The following BAIAP2 variants were observed in gnomAD, a reference collection of about 807,000 sequenced individuals.
BAIAP2 encodes the protein BAR/IMD domain-containing adapter protein 2.
In BAIAP2, 18 loss-of-function variants were observed where a neutral mutation model predicts 63.0. The observed-to-expected ratio is 0.29, with a 90% CI of 0.20 to 0.42. BAIAP2 has a LOEUF of 0.42. BAIAP2 is among the 10% of genes least tolerant of loss of function. BAIAP2 has a pLI of 1.00. For missense variants in BAIAP2, 610 were observed against 734.3 expected, an observed-to-expected ratio of 0.83 and a Z score of 1.96; for synonymous variants, 386 against 307.6, an observed-to-expected ratio of 1.25 and a Z score of -2.67.
At chr17:81,088,178 G>A (rs1166271434) in intron 6 of BAIAP2, among the ~76,000 whole-genome samples, 1 of 152,142 alleles carries the variant, frequency 6.6e-6, no homozygotes, top group African/African-American at 2.4e-5. Flanking sequence ...AGCAGGTCAG[G>A]ACAGTGCAGG....
chr17:81,098,377 TAC>T (rs2057997361), intron 6 of BAIAP2, among the ~76,000 whole-genome samples: 1 of 152,054 alleles, frequency 6.6e-6, no homozygotes, highest in Admixed American at 6.5e-5. Context: ...TGGGCTCAGC[TAC>T]AGTTTCTTGG....
rs1389008253 is a variant in BAIAP2 at position 81,057,731 on chromosome 17, C to T, written c.131-150C>T. On this transcript the variant is annotated intron_variant, in intron 2 of 13. Coordinates refer to ENST00000428708, the MANE Select transcript of BAIAP2 (RefSeq NM_001144888.2). ...TCAACAAGAGATGGGTTCTGTCCAA[C>T]CCAGAAATCACAGCGAGTCGAGTAT... 4 of 1,411,332 alleles carry T rather than the reference C, an allele frequency of 2.8e-6. No homozygotes were observed. In the African/African-American group the frequency reaches 5.8e-5, roughly 20 times the overall value. The allele number at this position is 1,411,332 out of a possible 1,614,324, so 87.4% of individuals were successfully genotyped here.
intron 13 of BAIAP2, among the ~76,000 whole-genome samples, chr17:81,115,206 C>G (rs1278674973): frequency 6.6e-6 from 1 of 152,258 alleles, no homozygotes; most frequent in Non-Finnish European, 1.5e-5. Context: ...AGGTGAACCA[C>G]TGTCTGGCCC....
At chr17:81,072,465 C>T (rs575811580) in intron 3 of BAIAP2, among the ~76,000 whole-genome samples, 3 of 152,328 alleles carry the variant, frequency 2.0e-5, no homozygotes, top group Non-Finnish European at 4.4e-5. Flanking sequence ...TCGTCAGTTT[C>T]ACCTTGGTGC....
At chr17:81,080,564 A>G (rs985885535) in intron 3 of BAIAP2, among the ~76,000 whole-genome samples, 2 of 151,002 alleles carry the variant, frequency 1.3e-5, no homozygotes, top group Non-Finnish European at 2.9e-5. Flanking sequence ...GAAGCTCCAC[A>G]TACTCTTTTT....
chr17:81,106,975 C>A, intron 12 of BAIAP2, 68 bp downstream of exon 12: 1 of 1,445,120 alleles, frequency 6.9e-7, no homozygotes, highest in Admixed American at 2.8e-5. Context: ...TGCAGTCCCC[C>A]GTTGGAGCCT....
intron 1 of BAIAP2, among the ~76,000 whole-genome samples, chr17:81,039,134 G>A (rs2046735118): frequency 6.6e-6 from 1 of 152,264 alleles, no homozygotes; most frequent in Non-Finnish European, 1.5e-5. Context: ...GCATGTCTGT[G>A]TTACCCGCCC....
intron 1 of BAIAP2, among the ~76,000 whole-genome samples, chr17:81,035,729 C>G (rs2046148509): frequency 6.7e-6 from 1 of 149,322 alleles, no homozygotes; most frequent in African/African-American, 2.6e-5. Flanking sequence ...GGCGGCGGGC[C>G]CAGGGGTTGC....
At chr17:81,092,486 C>G (rs914367550) in intron 6 of BAIAP2, among the ~76,000 whole-genome samples, 3 of 152,294 alleles carry the variant, frequency 2.0e-5, no homozygotes, top group East Asian at 3.9e-4. Flanking sequence ...GTGGATTTCT[C>G]TGTCTGCCTG....
Position 81,116,978 on chromosome 17 carries a change from G to T in BAIAP2, c.*1139G>T, listed in dbSNP as rs1365385113. 6.6e-6 allele frequency: 1 copy of T among 152,604 alleles called. No homozygotes were observed. Among genetic ancestry groups the T allele is most frequent in the Non-Finnish European group, 1.5e-5 (1 of 68,336 alleles). The allele number at this position is 152,604 out of a possible 1,614,324, so 9.5% of individuals were successfully genotyped here. A position where few individuals can be genotyped will look rare whatever the true frequency, so the allele number is the denominator to read the frequency against. On this transcript the variant is annotated 3_prime_UTR_variant, in exon 14 of 14. Transcript: ENST00000428708. ...GCCTCCGCCTTCCACCCTGGGCCCA[G>T]GGACAGACAGACATTGCCCTCAGAA...
In BAIAP2 at chr17:81,116,428, CA is replaced by C; in HGVS notation, c.*591del. The C allele has an allele frequency of 7.6e-7, 1 of 1,311,122 alleles. No homozygotes were observed. The highest frequency in any genetic ancestry group is 2.5e-5 in the East Asian group (1 of 39,586). 81.2% of individuals were successfully genotyped at this position (1,311,122 alleles called of 1,614,324 possible). A position where few individuals can be genotyped will look rare whatever the true frequency, so the allele number is the denominator to read the frequency against. ...CCCCTCACTCCCACTGGCAATGTCA[CA>C]AGGGCCTCCCCAGGCCCCTCCTGCC... On this transcript the variant is annotated 3_prime_UTR_variant, in exon 14 of 14. Transcript: ENST00000428708.
intron 3 of BAIAP2, among the ~76,000 whole-genome samples, chr17:81,067,757 G>A (rs1357159345): frequency 3.3e-5 from 5 of 152,230 alleles, no homozygotes; most frequent in Non-Finnish European, 7.3e-5. Flanking sequence ...CTCCCTGAGC[G>A]CTCACGCCAC....
At position 81,117,368 on chromosome 17, in the gene BAIAP2, AAAC is replaced by A. The variant is rs2060575940; in HGVS notation, c.*1532_*1534del. 6.6e-6 allele frequency: 1 copy of A among 152,320 alleles called. No individual in the cohort carries two copies. Among genetic ancestry groups the A allele is most frequent in the African/African-American group, 2.4e-5 (1 of 41,452 alleles). 9.4% of individuals were successfully genotyped at this position (152,320 alleles called of 1,614,324 possible). A position where few individuals can be genotyped will look rare whatever the true frequency, so the allele number is the denominator to read the frequency against. ...ACATTGCACCAGCGTTCTAAGCCTC[AAAC>A]AAAACACAAAACAAATCCCCCTGCG... On this transcript the variant is annotated 3_prime_UTR_variant, in exon 14 of 14. Coordinates refer to ENST00000428708, the MANE Select transcript of BAIAP2 (RefSeq NM_001144888.2).
chr17:81,101,364 G>T (rs1457648501), intron 7 of BAIAP2, among the ~76,000 whole-genome samples: 1 of 152,172 alleles, frequency 6.6e-6, no homozygotes, highest in Admixed American at 6.5e-5. Context: ...AGCAGGCAAG[G>T]CCCAGAGGCC....
chr17:81,106,889 C>G lies in BAIAP2; in HGVS notation c.1482C>G (p.Ala494=), dbSNP rs201581416. The G allele has an allele frequency of 6.4e-7, 1 of 1,570,438 alleles. No homozygotes were observed. The highest frequency in any genetic ancestry group is 8.6e-7 in the Non-Finnish European group (1 of 1,158,292). ...SGFKQRPYSV[A]VPAFSQGLDD... ...TCAAGCAGAGGCCCTACAGTGTGGC[C>G]GTGCCCGCCTTCTCCCAGGTCAGTG... The change falls in exon 12 of 14, where the codon GCC becomes GCG. Residue 494 remains alanine (A), a synonymous_variant. Coordinates refer to ENST00000428708, the MANE Select transcript of BAIAP2 (RefSeq NM_001144888.2).
rs1312656712 is a variant in BAIAP2, at chr17:81,057,918, G to A, written c.168G>A (p.Leu56=). 1.9e-6 allele frequency: 3 copies of A among 1,598,044 alleles called. No individual in the cohort carries two copies. Among genetic ancestry groups the A allele is most frequent in the Non-Finnish European group, 2.6e-6 (3 of 1,171,982 alleles). The change falls in exon 3 of 14, where the codon CTG becomes CTA. Residue 56 remains leucine, a synonymous_variant. Transcript: ENST00000428708. ...CAGCCAAAGGCTACTTTGACGCCCT[G>A]GTGAAGATGGGGGAGCTGGCCAGCG... ...TYAAKGYFDA[L]VKMGELASES... is the part of the protein sequence containing the mutation.
intron 1 of BAIAP2, among the ~76,000 whole-genome samples, chr17:81,039,302 C>T (rs1193297998): frequency 2.6e-5 from 4 of 152,204 alleles, no homozygotes; most frequent in Non-Finnish European, 4.4e-5. Flanking sequence ...CACTGTCCTG[C>T]CGGTTGTTGG....
chr17:81,109,917 A>C, intron 13 of BAIAP2: 1 of 985,204 alleles, frequency 1.0e-6, no homozygotes, highest in Non-Finnish European at 1.2e-6. Context: ...GGGGGAGGGC[A>C]GCTCTGGGCA....
intron 6 of BAIAP2, among the ~76,000 whole-genome samples, chr17:81,087,248 T>TAGA (rs1202527408): frequency 6.6e-6 from 1 of 152,206 alleles, no homozygotes; most frequent in Non-Finnish European, 1.5e-5. Flanking sequence ...GTCACCCAGG[T>TAGA]AGAAGCTTCT....
Sources: allele counts gnomAD v4.1 joint callset (sites outside exome capture counted in the v4.1 genomes callset), GRCh38; gene constraint gnomAD v4.1.1; transcripts MANE v1.5; gene names NCBI Gene and HGNC (gene_info 2026-07-23, HGNC 2026-07-21).